Variants in CDH18 observed in about 807,000 individuals in gnomAD.
CDH18 encodes the protein cadherin-18.
CDH18 carries 31 observed loss-of-function variants against 67.9 expected under a neutral mutation model. The observed-to-expected ratio is 0.46, with a 90% CI of 0.34 to 0.62. The LOEUF (loss-of-function observed/expected upper bound fraction) is 0.62. Ranked by LOEUF, CDH18 falls within the 20% of genes least tolerant of loss-of-function variation. The pLI, the probability that CDH18 is intolerant of heterozygous loss-of-function variation, is 0.01. For missense variants in CDH18, 890 were observed against 975.5 expected, an observed-to-expected ratio of 0.91 and a Z score of 1.17; for synonymous variants, 362 against 347.2, an observed-to-expected ratio of 1.04 and a Z score of -0.48.
chr5:19,631,439 G>A (rs552863354), intron 5 of CDH18, among the ~76,000 whole-genome samples: 9 of 151,980 alleles, frequency 5.9e-5, no homozygotes, highest in East Asian at 5.8e-4. Context: ...TAAGTCCTAC[G>A]TTTAAGAAAT....
chr5:19,671,906 T>TA (rs1308588479), intron 5 of CDH18, among the ~76,000 whole-genome samples: 1 of 152,092 alleles, frequency 6.6e-6, no homozygotes, highest in Non-Finnish European at 1.5e-5. Context: ...TATCACAAGA[T>TA]AGTCACCACC....
At chr5:19,608,223 T>C (rs1301990115) in intron 6 of CDH18, among the ~76,000 whole-genome samples, 1 of 151,694 alleles carries the variant, frequency 6.6e-6, no homozygotes, top group Non-Finnish European at 1.5e-5. Flanking sequence ...TAGGAACAGT[T>C]ATCAAAATCA....
chr5:20,143,061 T>C (rs942587650), intron 2 of CDH18, among the ~76,000 whole-genome samples: 1 of 152,198 alleles, frequency 6.6e-6, no homozygotes, highest in African/African-American at 2.4e-5. Context: ...CTACATTGCA[T>C]TGAAGAGACT....
intron 1 of CDH18, among the ~76,000 whole-genome samples, chr5:20,556,338 G>A (rs1043709025): frequency 3.3e-5 from 5 of 152,140 alleles, no homozygotes; most frequent in African/African-American, 1.2e-4. Context: ...ATGTGGTAAA[G>A]GGACCATTGC....
At chr5:19,946,452 C>G (rs779002850) in intron 2 of CDH18, among the ~76,000 whole-genome samples, 1 of 152,146 alleles carries the variant, frequency 6.6e-6, no homozygotes, top group Non-Finnish European at 1.5e-5. Context: ...GACTGTGTTA[C>G]TCCTTATGAG....
chr5:20,355,082 T>G (rs888889789), intron 1 of CDH18, among the ~76,000 whole-genome samples: 2 of 152,204 alleles, frequency 1.3e-5, no homozygotes, highest in African/African-American at 4.8e-5. Flanking sequence ...AGGTGTCAGA[T>G]ATCCATAATG....
chr5:19,683,824 C>T (rs1760676328), intron 5 of CDH18, among the ~76,000 whole-genome samples: 2 of 151,996 alleles, frequency 1.3e-5, no homozygotes, highest in South Asian at 4.2e-4. Context: ...TGAGATAATT[C>T]CTCTCTATAT....
At chr5:20,547,715 G>A (rs1333187106) in intron 1 of CDH18, among the ~76,000 whole-genome samples, 1 of 152,086 alleles carries the variant, frequency 6.6e-6, no homozygotes, top group Non-Finnish European at 1.5e-5. Context: ...AAACTTTCCA[G>A]GTAAAATATG....
intron 5 of CDH18, among the ~76,000 whole-genome samples, chr5:19,683,745 A>G (rs554153113): frequency 8.2e-4 from 125 of 152,238 alleles, no homozygotes; most frequent in African/African-American, 2.9e-3. Context: ...CACTTGAAAC[A>G]TCATCTGTAA....
At chr5:20,179,490 G>A (rs1030241527) in intron 2 of CDH18, among the ~76,000 whole-genome samples, 1 of 152,064 alleles carries the variant, frequency 6.6e-6, no homozygotes, top group African/African-American at 2.4e-5. Context: ...GCTTACAAAC[G>A]GAAAAGCAAA....
intron 2 of CDH18, among the ~76,000 whole-genome samples, chr5:20,006,161 A>G (rs538171637): frequency 6.6e-6 from 1 of 152,056 alleles, no homozygotes; most frequent in South Asian, 2.1e-4. Flanking sequence ...GCATCAACAG[A>G]TAACAACTTG....
chr5:19,543,356 G>A (rs930496887), intron 9 of CDH18, among the ~76,000 whole-genome samples: 9 of 152,034 alleles, frequency 5.9e-5, no homozygotes, highest in South Asian at 4.1e-4. Context: ...TGTAGATCAC[G>A]TATGTTACTT....
intron 2 of CDH18, among the ~76,000 whole-genome samples, chr5:19,978,908 G>A (rs997760965): frequency 1.2e-4 from 19 of 152,044 alleles, no homozygotes; most frequent in Admixed American, 7.2e-4. Context: ...ACCCTCCACT[G>A]CCATGTAATA....
chr5:19,733,474 C>T (rs866589320), intron 4 of CDH18, among the ~76,000 whole-genome samples: 13 of 152,086 alleles, frequency 8.5e-5, no homozygotes, highest in African/African-American at 1.9e-4. Flanking sequence ...ATCTCTTCTC[C>T]GCTGAGAGCT....
At chr5:19,842,737 G>A (rs751534700) in intron 2 of CDH18, among the ~76,000 whole-genome samples, 4 of 152,144 alleles carry the variant, frequency 2.6e-5, no homozygotes, top group Non-Finnish European at 5.9e-5. Context: ...GAAGAAAATA[G>A]GAAGATGTGG....
intron 5 of CDH18, among the ~76,000 whole-genome samples, chr5:19,676,311 G>A (rs1445310313): frequency 6.6e-6 from 1 of 152,040 alleles, no homozygotes; most frequent in Non-Finnish European, 1.5e-5. Flanking sequence ...CTTCGCTAAA[G>A]AGGTAATCAT....
intron 2 of CDH18, among the ~76,000 whole-genome samples, chr5:19,958,356 C>T (rs1472127695): frequency 1.2e-5 from 1 of 86,568 alleles, no homozygotes; most frequent in Non-Finnish European, 2.2e-5. Context: ...TAAAGAAACT[C>T]AATAGGATGA....
At chr5:20,328,833 G>A (rs2150021119) in intron 1 of CDH18, among the ~76,000 whole-genome samples, 1 of 152,250 alleles carries the variant, frequency 6.6e-6, no homozygotes, top group East Asian at 1.9e-4. Context: ...ACAAAAATTA[G>A]TGTGGCACAT....
intron 2 of CDH18, among the ~76,000 whole-genome samples, chr5:19,973,724 C>T (rs533152653): frequency 5.9e-5 from 9 of 152,160 alleles, no homozygotes; most frequent in African/African-American, 1.9e-4. Flanking sequence ...AAGGAACAAG[C>T]CAGTTCAACT....
Sources: allele counts gnomAD v4.1 joint callset (sites outside exome capture counted in the v4.1 genomes callset), GRCh38; gene constraint gnomAD v4.1.1; transcripts MANE v1.5; gene names NCBI Gene and HGNC (gene_info 2026-07-23, HGNC 2026-07-21).